SECISBP2: variants seen among roughly 807,000 people sequenced by gnomAD.
The protein encoded by SECISBP2 is selenocysteine insertion sequence-binding protein 2.
Under a neutral mutation model 98.2 loss-of-function variants are expected in SECISBP2, and 96 were observed. The ratio of observed to expected loss-of-function variants is 0.98; its 90% CI spans 0.83 to 1.16. The LOEUF (loss-of-function observed/expected upper bound fraction) is 1.16. Among genes scored for constraint, SECISBP2 ranks in the 50% most tolerant of loss-of-function variants. SECISBP2 has a pLI of 0.00. For missense variants in SECISBP2, 1,046 were observed against 1,022.9 expected (o/e 1.02, Z -0.31); for synonymous variants, 407 against 370.2 (o/e 1.10, Z -1.14).
At chr9:89,322,857 C>T (rs1826042127) in intron 2 of SECISBP2, 1 of 152,060 alleles carries the variant, frequency 6.6e-6, no homozygotes, top group South Asian at 2.1e-4. Context: ...GATTGGAAGC[C>T]TGCATAGTAC....
chr9:89,328,336 A>G (rs1265094252), intron 4 of SECISBP2, among the ~76,000 whole-genome samples: 1 of 152,204 alleles, frequency 6.6e-6, no homozygotes, highest in East Asian at 1.9e-4. Context: ...TTTCAGCTTC[A>G]TTACAATCTT....
intron 10 of SECISBP2, among the ~76,000 whole-genome samples, chr9:89,342,494 C>T (rs944661566): frequency 6.6e-6 from 1 of 152,166 alleles, no homozygotes; most frequent in African/African-American, 2.4e-5. Flanking sequence ...TGGCATTATT[C>T]ACAATAACCA....
intron 14 of SECISBP2, among the ~76,000 whole-genome samples, chr9:89,352,324 C>G (rs913084236): frequency 9.9e-5 from 15 of 152,194 alleles, no homozygotes; most frequent in African/African-American, 3.6e-4. Context: ...CAGGGATACC[C>G]TTGGCTCCCA....
chr9:89,362,117 G>A (rs774792641), downstream of SECISBP2: 2 of 573,008 alleles, frequency 3.5e-6, no homozygotes, highest in African/African-American at 1.9e-5. Context: ...ATCAAAGCCT[G>A]TTAGCCATCC....
At chr9:89,357,252 A>AT in intron 14 of SECISBP2, 159 bp from the exon 15 acceptor site, 1 of 764,754 alleles carries the variant, frequency 1.3e-6, no homozygotes. Context: ...TGGAGAGTTG[A>AT]TTCTGCAACT....
At chr9:89,339,609 A>AGTTCTTTAGATC (rs1281695260) in intron 8 of SECISBP2, among the ~76,000 whole-genome samples, 3 of 152,198 alleles carry the variant, frequency 2.0e-5, no homozygotes, top group Non-Finnish European at 4.4e-5. Flanking sequence ...GTCCAAGGTC[A>AGTTCTTTAGATC]GTTCTTTAGA....
At chr9:89,318,741 C>G in intron 1 of SECISBP2, 129 bp downstream of exon 1, 1 of 1,229,848 alleles carries the variant, frequency 8.1e-7, no homozygotes, top group Non-Finnish European at 1.0e-6. Flanking sequence ...CACGGGAGCG[C>G]CCTACCGGGT....
downstream of SECISBP2, chr9:89,364,062 T>G: frequency 3.1e-6 from 5 of 1,593,778 alleles, no homozygotes; most frequent in Non-Finnish European, 4.3e-6. Flanking sequence ...CTGAAGTGAC[T>G]TGGGACAACT....
At chr9:89,362,408 GGT>G (rs1184362835), downstream of SECISBP2, 4 of 1,614,008 alleles carry the variant, frequency 2.5e-6, no homozygotes, top group Admixed American at 1.7e-5. Flanking sequence ...GTGGCTACAG[GGT>G]GTCCTTGCTA....
chr9:89,318,742 C>T (rs988656620), intron 1 of SECISBP2, 130 bp downstream of exon 1: 4 of 1,230,626 alleles, frequency 3.3e-6, no homozygotes, highest in African/African-American at 1.6e-5. Context: ...ACGGGAGCGC[C>T]CTACCGGGTG....
In SECISBP2 at chr9:89,350,745, C is replaced by T. The variant is rs1831155595; in HGVS notation, c.2006C>T (p.Thr669Ile). The T allele has an allele frequency of 1.9e-6, 3 of 1,614,236 alleles. No homozygotes were observed. The highest frequency in any genetic ancestry group is 2.5e-6 in the Non-Finnish European group (3 of 1,180,038). ...MYQKDPVKAKTKRRLVLGLRE... is the reference protein window; with the variant it reads ...MYQKDPVKAKIKRRLVLGLRE... Reference sequence around the variant, plus strand: ...CAGAAAGATCCAGTCAAGGCCAAGACTAAACGTCGACTTGTGTTGGGGTTG... The same window carrying T: ...CAGAAAGATCCAGTCAAGGCCAAGATTAAACGTCGACTTGTGTTGGGGTTG... The change falls in exon 14 of 17, where the codon ACT becomes ATT. Residue 669 changes from threonine (T) to isoleucine (I), a missense_variant. Thr to Ile is a moderately conservative substitution (Grantham distance 89). Coordinates refer to ENST00000375807, the MANE Select transcript of SECISBP2 (RefSeq NM_024077.5).
intron 14 of SECISBP2, chr9:89,354,796 G>A (rs866265679): frequency 1.6e-5 from 16 of 985,372 alleles, no homozygotes; most frequent in East Asian, 1.1e-4. Flanking sequence ...ATTCACTCCC[G>A]GGAGCTGGGG....
In SECISBP2 at chr9:89,325,908, T is replaced by G. The variant is rs199826459; in HGVS notation, c.444T>G (p.Tyr148Ter). The change falls in exon 4 of 17, where the codon TAT becomes TAG. Residue 148 changes from tyrosine (Y) to a stop codon, truncating the protein, a stop_gained. Transcript: ENST00000375807. LOFTEE classifies it high-confidence loss of function. ...AATCTTTCCTGCAGAAGAAAACCTA[T>G]GATGAGAAAAAAACGTATGATCAGC... ...EMKALFKKKT[Y>*]DEKKTYDQQK... The G allele has an allele frequency of 6.2e-7, 1 of 1,613,892 alleles. No individual in the cohort carries two copies. Among genetic ancestry groups the G allele is most frequent in the African/African-American group, 1.3e-5 (1 of 74,932 alleles).
chr9:89,342,778 G>GTTAT (rs1353268956), intron 10 of SECISBP2, among the ~76,000 whole-genome samples: 1 of 152,180 alleles, frequency 6.6e-6, no homozygotes, highest in Non-Finnish European at 1.5e-5. Flanking sequence ...GGAATAGTGA[G>GTTAT]TTATTATTAA....
At chr9:89,329,840 C>T (rs937993172) in intron 5 of SECISBP2, 3 of 152,064 alleles carry the variant, frequency 2.0e-5, no homozygotes, top group Non-Finnish European at 4.4e-5. Context: ...AGAGTCAAGC[C>T]GCTTTGACAG....
intron 6 of SECISBP2, chr9:89,333,884 G>C (rs887802546): frequency 4.3e-5 from 10 of 229,968 alleles, no homozygotes; most frequent in Non-Finnish European, 7.3e-5. Context: ...GTAATGGTCT[G>C]TACTTCACAG....
downstream of SECISBP2, chr9:89,363,691 G>C: frequency 6.3e-7 from 1 of 1,597,562 alleles, no homozygotes. Flanking sequence ...ATTGTAAATA[G>C]TGAAAAATTA....
At chr9:89,337,895 C>G (rs1251808877) in intron 7 of SECISBP2, among the ~76,000 whole-genome samples, 1 of 152,328 alleles carries the variant, frequency 6.6e-6, no homozygotes, top group East Asian at 1.9e-4. Context: ...GGAGCAGCCC[C>G]AGCTTAGCCA....
intron 13 of SECISBP2, among the ~76,000 whole-genome samples, chr9:89,350,200 G>C (rs1017039132): frequency 1.2e-4 from 18 of 152,196 alleles, no homozygotes; most frequent in African/African-American, 4.3e-4. Context: ...AAGTGACCGT[G>C]CATCATCTTT....
Sources: allele counts gnomAD v4.1 joint callset (sites outside exome capture counted in the v4.1 genomes callset), GRCh38; gene constraint gnomAD v4.1.1; transcripts MANE v1.5; gene names NCBI Gene and HGNC (gene_info 2026-07-23, HGNC 2026-07-21).